The following PDE1C variants were observed in gnomAD, a reference collection of about 807,000 sequenced individuals.
The protein encoded by PDE1C is dual specificity calcium/calmodulin-dependent 3',5'-cyclic nucleotide phosphodiesterase 1C.
A neutral mutation model predicts 93.1 loss-of-function variants in PDE1C; 62 were observed. The observed-to-expected ratio is 0.67, with a 90% CI of 0.54 to 0.82. PDE1C has a LOEUF of 0.82. Ranked by LOEUF, PDE1C falls within the 40% of genes least tolerant of loss-of-function variation. The pLI is 0.00. For synonymous variants in PDE1C, 325 were observed against 310.1 expected, an observed-to-expected ratio of 1.05 and a Z score of -0.50; for missense variants, 742 against 884.6, an observed-to-expected ratio of 0.84 and a Z score of 2.04.
chr7:32,203,022 A>T (rs1805132958), intron 2 of PDE1C, among the ~76,000 whole-genome samples: 1 of 152,006 alleles, frequency 6.6e-6, no homozygotes, highest in South Asian at 2.1e-4. Flanking sequence ...CTCCTAGCAA[A>T]CACCATCCAA....
intron 1 of PDE1C, among the ~76,000 whole-genome samples, chr7:32,278,742 G>C (rs1811446721): frequency 6.6e-6 from 1 of 152,222 alleles, no homozygotes; most frequent in South Asian, 2.1e-4. Context: ...TATCTGCCAT[G>C]TTGAAAAGGG....
chr7:32,341,261 C>T (rs529211446), intron 1 of PDE1C, among the ~76,000 whole-genome samples: 7 of 126,214 alleles, frequency 5.5e-5, no homozygotes, highest in African/African-American at 1.6e-4. Context: ...CTGCAAGCTC[C>T]GCCTCCCGGG....
At chr7:31,702,693 C>T in the PDE1C span, among the ~76,000 whole-genome samples, 2 of 152,300 alleles carry the variant, frequency 1.3e-5, no homozygotes, top group Non-Finnish European at 2.9e-5. Flanking sequence ...CAACAACTTG[C>T]ATGATGAATT....
At chr7:32,111,729 C>A (rs951561248) in intron 3 of PDE1C, among the ~76,000 whole-genome samples, 1 of 152,082 alleles carries the variant, frequency 6.6e-6, no homozygotes, top group African/African-American at 2.4e-5. Flanking sequence ...GAAGGTGTAC[C>A]CCTACTATGT....
chr7:32,030,020 G>A lies in PDE1C; in HGVS notation c.128+21534C>T, dbSNP rs1790085688. 2.7e-5 allele frequency among the ~76,000 whole-genome samples: 4 copies of A among 150,672 alleles called. 1 individual carries two copies. In the South Asian group the frequency reaches 8.4e-4, roughly 32 times the overall value. On this transcript the variant is annotated intron_variant, in intron 2 of 17. Transcript: ENST00000396191. ...AGGTACATTTCTATGAGCTGACATA[G>A]AAAAATATCCAAGCTACGGGTGAGT...
At chr7:32,031,828 C>G (rs996066247) in intron 2 of PDE1C, among the ~76,000 whole-genome samples, 11 of 152,076 alleles carry the variant, frequency 7.2e-5, no homozygotes, top group Non-Finnish European at 1.2e-4. Context: ...CAGTGGGGAG[C>G]CTGGAAGTGG....
intron 1 of PDE1C, among the ~76,000 whole-genome samples, chr7:32,058,715 T>C (rs1794430797): frequency 6.6e-6 from 1 of 152,240 alleles, no homozygotes. Context: ...TTCCTGGCCT[T>C]TCCCATATTT....
intron 7 of PDE1C, among the ~76,000 whole-genome samples, chr7:31,857,489 T>G (rs1024300602): frequency 7.9e-5 from 12 of 152,140 alleles, no homozygotes; most frequent in African/African-American, 2.9e-4. Flanking sequence ...TATTCTGCCT[T>G]ATCTTCTTAC....
chr7:32,081,032 A>T (rs1796635502), intron 3 of PDE1C, among the ~76,000 whole-genome samples: 1 of 152,224 alleles, frequency 6.6e-6, no homozygotes, highest in Non-Finnish European at 1.5e-5. Flanking sequence ...ATTTAAAAGT[A>T]ATTAACATGG....
intron 17 of PDE1C, 121 bp from the exon 18 acceptor site, chr7:31,753,674 A>C (rs1181677628): frequency 7.3e-7 from 1 of 1,371,630 alleles, no homozygotes; most frequent in East Asian, 2.6e-5. Context: ...GGAAAGAAGC[A>C]GTTTGGATTC....
intron 1 of PDE1C, among the ~76,000 whole-genome samples, chr7:32,065,815 C>A (rs1695283928): frequency 6.6e-6 from 1 of 152,210 alleles, no homozygotes; most frequent in Non-Finnish European, 1.5e-5. Context: ...AGTCACTTAA[C>A]TTCTCTGTAC....
chr7:32,106,394 C>T (rs577226283), intron 3 of PDE1C, among the ~76,000 whole-genome samples: 32 of 151,770 alleles, frequency 2.1e-4, no homozygotes, highest in East Asian at 7.7e-4. Context: ...AGTCAGGAAA[C>T]GCCAGACATC....
intron 1 of PDE1C, among the ~76,000 whole-genome samples, chr7:32,310,266 C>A (rs939594159): frequency 2.6e-5 from 4 of 151,836 alleles, no homozygotes; most frequent in Admixed American, 2.6e-4. Context: ...CCTGAGTGAC[C>A]TACAAAGAGA....
intron 7 of PDE1C, chr7:31,850,978 C>A: frequency 2.4e-6 from 1 of 418,356 alleles, no homozygotes; most frequent in Non-Finnish European, 4.5e-6. Context: ...TTATCTTTTT[C>A]AAGAAATCAA....
At chr7:31,769,210 C>A (rs959247129) in intron 17 of PDE1C, among the ~76,000 whole-genome samples, 16 of 152,188 alleles carry the variant, frequency 1.1e-4, no homozygotes, top group African/African-American at 3.6e-4. Flanking sequence ...TTAACTATTA[C>A]ATATTGCTCT....
At chr7:31,824,771 C>T in intron 13 of PDE1C, 96 bp downstream of exon 13, 1 of 1,489,684 alleles carries the variant, frequency 6.7e-7, no homozygotes. Context: ...AAGGCAAATG[C>T]CATTATGAAA....
chr7:31,711,909 G>A, the PDE1C span, among the ~76,000 whole-genome samples: 619 of 152,236 alleles, frequency 4.1e-3, 3 homozygotes, highest in Non-Finnish European at 6.9e-3. Context: ...CAGTGACACT[G>A]GCCTCTGCCA....
chr7:31,691,224 A>C, the PDE1C span, among the ~76,000 whole-genome samples: 3 of 152,232 alleles, frequency 2.0e-5, no homozygotes, highest in Non-Finnish European at 4.4e-5. Context: ...ATCTCAGCAC[A>C]TAGAGGAAGA....
intron 1 of PDE1C, among the ~76,000 whole-genome samples, chr7:32,214,030 G>A (rs1256863197): frequency 6.6e-6 from 1 of 152,000 alleles, no homozygotes; most frequent in Non-Finnish European, 1.5e-5. Flanking sequence ...TAAAACAATT[G>A]GCTATTGCTC....
Sources: gnomAD v4.1 joint callset for allele counts (sites outside exome capture counted in the v4.1 genomes callset) on GRCh38, gnomAD v4.1.1 for gene constraint, MANE v1.5 for transcripts, NCBI Gene and HGNC (gene_info 2026-07-23, HGNC 2026-07-21) for gene names.